The following ZDHHC20 variants were observed in gnomAD, a reference collection of about 807,000 sequenced individuals.
ZDHHC20 encodes the protein zDHHC palmitoyltransferase 20, also known as palmitoyltransferase ZDHHC20.
In ZDHHC20, 43 loss-of-function variants were observed where a neutral mutation model predicts 57.8. The observed-to-expected ratio is 0.74, with a 90% CI of 0.58 to 0.96. The LOEUF (loss-of-function observed/expected upper bound fraction) is 0.96, where lower values mean the gene tolerates loss of function less well. Among genes scored for constraint, ZDHHC20 ranks in the 40% least tolerant of loss-of-function variants. The pLI is 0.00. For synonymous variants in ZDHHC20, 157 were observed against 153.0 expected (o/e 1.03, Z -0.19); for missense variants, 391 against 441.1 (o/e 0.89, Z 1.02).
chr13:21,394,226 T>G (rs563015658), intron 7 of ZDHHC20, among the ~76,000 whole-genome samples: 13 of 152,334 alleles, frequency 8.5e-5, no homozygotes, highest in African/African-American at 3.1e-4. Flanking sequence ...CCAGCCACAG[T>G]AGCCTTCTTG....
chr13:21,384,629 G>A (rs1206785492), intron 9 of ZDHHC20, among the ~76,000 whole-genome samples: 2 of 152,066 alleles, frequency 1.3e-5, no homozygotes, highest in Non-Finnish European at 2.9e-5. Context: ...AAGAACAACT[G>A]GGAATAATGA....
chr13:21,384,987 T>C (rs1374631516), intron 9 of ZDHHC20, among the ~76,000 whole-genome samples: 1 of 151,390 alleles, frequency 6.6e-6, no homozygotes, highest in Non-Finnish European at 1.5e-5. Context: ...TAGAAAAAAA[T>C]CAGAAAATTA....
chr13:21,408,014 T>C (rs1878696314), intron 4 of ZDHHC20, among the ~76,000 whole-genome samples: 1 of 152,210 alleles, frequency 6.6e-6, no homozygotes, highest in Non-Finnish European at 1.5e-5. Flanking sequence ...CTGTTTTGGT[T>C]ACTGTAGCCT....
chr13:21,439,912 C>T (rs1395562396), intron 1 of ZDHHC20, among the ~76,000 whole-genome samples: 1 of 151,404 alleles, frequency 6.6e-6, no homozygotes, highest in Admixed American at 6.6e-5. Context: ...ACTAAAAATA[C>T]AAAAATTAGC....
chr13:21,427,851 A>C (rs1593252007), intron 1 of ZDHHC20, among the ~76,000 whole-genome samples: 1 of 151,640 alleles, frequency 6.6e-6, no homozygotes. Flanking sequence ...AAAAAAAAAA[A>C]AAAACCAAAC....
At position 21,446,327 on chromosome 13, in the gene ZDHHC20, A is replaced by C. The variant is rs369097211; in HGVS notation, c.118+12727T>G. ...AGTATAATCTCAAACCCAGCAACAT[A>C]CACTGTTAATATTTTGGTGTATTTG... On this transcript the variant is annotated intron_variant, in intron 1 of 12. Coordinates refer to ENST00000400590, the MANE Select transcript of ZDHHC20 (RefSeq NM_001330059.2). 6.9e-4 allele frequency among the ~76,000 whole-genome samples: 105 copies of C among 152,320 alleles called. 2 individuals carry two copies. In the South Asian group the frequency reaches 0.02, roughly 29 times the overall value.
chr13:21,401,611 C>A (rs769055773), intron 6 of ZDHHC20, 42 bp downstream of exon 6: 166 of 1,519,346 alleles, frequency 1.1e-4, no homozygotes, highest in Non-Finnish European at 1.2e-4. Flanking sequence ...TAAATTCTCT[C>A]TCTCACCACC....
intron 1 of ZDHHC20, among the ~76,000 whole-genome samples, chr13:21,445,156 C>T (rs955892368): frequency 2.6e-5 from 4 of 151,774 alleles, no homozygotes; most frequent in African/African-American, 9.7e-5. Context: ...TTACATGCCC[C>T]AAACACAAGA....
chr13:21,414,668 G>C (rs1879734187), intron 3 of ZDHHC20, among the ~76,000 whole-genome samples: 1 of 151,958 alleles, frequency 6.6e-6, no homozygotes, highest in Non-Finnish European at 1.5e-5. Flanking sequence ...ACCGCGCCCG[G>C]CCTAGGGCTG....
At chr13:21,440,859 A>G (rs1373824903) in intron 1 of ZDHHC20, among the ~76,000 whole-genome samples, 2 of 152,098 alleles carry the variant, frequency 1.3e-5, no homozygotes, top group African/African-American at 4.8e-5. Flanking sequence ...TAGTCAATAC[A>G]TCTGTCCATG....
At chr13:21,413,847 C>G (rs9506675) in intron 3 of ZDHHC20, 75 bp from the exon 4 acceptor site, 2 of 1,339,412 alleles carry the variant, frequency 1.5e-6, no homozygotes, top group Non-Finnish European at 2.0e-6. Context: ...AAAGTTTTAT[C>G]TAGAAAAAAG....
intron 1 of ZDHHC20, among the ~76,000 whole-genome samples, chr13:21,426,239 T>A (rs934722831): frequency 2.9e-4 from 44 of 152,192 alleles, no homozygotes; most frequent in Admixed American, 9.8e-4. Flanking sequence ...GTATTACTAT[T>A]GTGATGAATA....
At chr13:21,378,635 C>A (rs1872669599) in intron 12 of ZDHHC20, 26 bp downstream of exon 12, 6 of 1,240,638 alleles carry the variant, frequency 4.8e-6, no homozygotes, top group African/African-American at 4.6e-5. Context: ...TGCATTTATT[C>A]AAGGATTACC....
chr13:21,392,916 G>A (rs963942717), intron 7 of ZDHHC20, among the ~76,000 whole-genome samples: 1 of 152,098 alleles, frequency 6.6e-6, no homozygotes, highest in Non-Finnish European at 1.5e-5. Context: ...CACTATAAAT[G>A]TCACAAAGAT....
At position 21,402,877 on chromosome 13, in the gene ZDHHC20, G is replaced by T. The variant is rs1462531352; in HGVS notation, c.371-11C>A. On this transcript the variant is annotated splice_polypyrimidine_tract_variant and intron_variant, in intron 4 of 12. Transcript: ENST00000400590. ...CACAATATCTGATAGCTACATGAAA[G>T]AAGTAAAAGGAAGATGCTGAAGGAT... The T allele has an allele frequency of 6.4e-7, 1 of 1,572,104 alleles. No homozygotes were observed. The highest frequency in any genetic ancestry group is 1.8e-5 in the Admixed American group (1 of 54,312).
intron 1 of ZDHHC20, among the ~76,000 whole-genome samples, chr13:21,439,149 TTC>T (rs1343876649): frequency 4.6e-5 from 7 of 152,200 alleles, no homozygotes; most frequent in African/African-American, 1.7e-4. Context: ...ATGCCTGCAA[TTC>T]TCTGAATCTA....
intron 1 of ZDHHC20, among the ~76,000 whole-genome samples, chr13:21,443,728 T>A (rs1883408589): frequency 6.6e-6 from 1 of 152,252 alleles, no homozygotes; most frequent in Non-Finnish European, 1.5e-5. Context: ...ATTAAATGCA[T>A]GAATAGTAAG....
At position 21,408,047 on chromosome 13, in the gene ZDHHC20, T is replaced by C. The variant is rs1290349999; in HGVS notation, c.371-5181A>G. On this transcript the variant is annotated intron_variant, in intron 4 of 12. Transcript: ENST00000400590. ...CCTTGTAGTATAGTTTGAGGTCAGG[T>C]AATGTGATGCCTCCATCTTTGTTCT... 2.6e-5 allele frequency among the ~76,000 whole-genome samples: 4 copies of C among 152,204 alleles called. No homozygotes were observed. The East Asian group carries it at 7.7e-4, about 29-fold the overall frequency.
At chr13:21,458,791 A>G (rs1372091939) in intron 1 of ZDHHC20, among the ~76,000 whole-genome samples, 1 of 152,196 alleles carries the variant, frequency 6.6e-6, no homozygotes, top group Non-Finnish European at 1.5e-5. Flanking sequence ...GGGAACCAGG[A>G]AGCTCTTGGG....
Sources: gnomAD v4.1 joint callset for allele counts (sites outside exome capture counted in the v4.1 genomes callset) on GRCh38, gnomAD v4.1.1 for gene constraint, MANE v1.5 for transcripts, NCBI Gene and HGNC (gene_info 2026-07-23, HGNC 2026-07-21) for gene names.